Variants in MED13L observed in about 807,000 individuals in gnomAD.
MED13L encodes the protein mediator complex subunit 13L.
Under a neutral mutation model 220.9 loss-of-function variants are expected in MED13L, and 7 were observed. The ratio of observed to expected loss-of-function variants is 0.03; its 90% CI spans 0.02 to 0.06. The LOEUF is 0.06. Ranked by LOEUF, MED13L falls within the 10% of genes least tolerant of loss-of-function variation. The pLI is 1.00. For missense variants in MED13L, 1,965 were observed against 2,760.5 expected (o/e 0.71, Z 6.46); for synonymous variants, 1,011 against 1,015.2 (o/e 1.00, Z 0.08).
chr12:116,143,734 G>A (rs1045071454), intron 2 of MED13L, among the ~76,000 whole-genome samples: 1 of 152,098 alleles, frequency 6.6e-6, no homozygotes, highest in Non-Finnish European at 1.5e-5. Context: ...AAACTGCAGC[G>A]CAAAGCAAGA....
intron 4 of MED13L, among the ~76,000 whole-genome samples, chr12:116,050,705 G>A (rs1868422067): frequency 6.6e-6 from 1 of 152,188 alleles, no homozygotes; most frequent in Admixed American, 6.5e-5. Flanking sequence ...GGGAGGCCAA[G>A]GAGGGTGGAT....
At chr12:116,223,473 C>T (rs879493529) in intron 2 of MED13L, among the ~76,000 whole-genome samples, 3 of 152,010 alleles carry the variant, frequency 2.0e-5, no homozygotes, top group Non-Finnish European at 4.4e-5. Context: ...TTTGGGAGGC[C>T]GGGTTAGGCA....
chr12:116,251,602 A>T (rs942775233), intron 1 of MED13L, among the ~76,000 whole-genome samples: 6 of 151,308 alleles, frequency 4.0e-5, no homozygotes, highest in Admixed American at 6.6e-5. Context: ...TACTAAAAAA[A>T]ATATAAAACA....
chr12:116,171,600 T>C (rs1253624846), intron 2 of MED13L, among the ~76,000 whole-genome samples: 1 of 152,198 alleles, frequency 6.6e-6, no homozygotes, highest in Non-Finnish European at 1.5e-5. Context: ...GCTCCAGTTT[T>C]TTAAGTCCTT....
At chr12:116,066,882 G>T (rs1231431857) in intron 4 of MED13L, among the ~76,000 whole-genome samples, 2 of 152,092 alleles carry the variant, frequency 1.3e-5, no homozygotes, top group African/African-American at 2.4e-5. Context: ...AGTTGGACAG[G>T]TTCATGCTTA....
intron 25 of MED13L, chr12:115,972,461 T>C (rs538542653): frequency 1.9e-6 from 1 of 539,242 alleles, no homozygotes; most frequent in East Asian, 3.6e-5. Flanking sequence ...GCTGAAGTCA[T>C]GTCTGAAATG....
At chr12:116,164,073 T>C (rs376221665) in intron 2 of MED13L, among the ~76,000 whole-genome samples, 1 of 152,208 alleles carries the variant, frequency 6.6e-6, no homozygotes, top group Non-Finnish European at 1.5e-5. Context: ...AATTTTCACA[T>C]ACTTAAAAAG....
intron 2 of MED13L, among the ~76,000 whole-genome samples, chr12:116,167,966 A>T (rs1879402713): frequency 6.6e-6 from 1 of 152,222 alleles, no homozygotes; most frequent in African/African-American, 2.4e-5. Flanking sequence ...TGAAATATTG[A>T]AGATAAAATG....
intron 2 of MED13L, among the ~76,000 whole-genome samples, chr12:116,226,182 A>C (rs564503366): frequency 6.6e-6 from 1 of 152,100 alleles, no homozygotes; most frequent in Non-Finnish European, 1.5e-5. Flanking sequence ...TCACAGCACA[A>C]AAAAAAGAGA....
chr12:116,257,724 T>C (rs1459059656), intron 1 of MED13L, among the ~76,000 whole-genome samples: 12 of 152,246 alleles, frequency 7.9e-5, no homozygotes, highest in Admixed American at 7.9e-4. Context: ...AACTGGCTTT[T>C]ACTTTAAAAA....
chr12:116,105,721 A>C (rs1040422343), intron 3 of MED13L, among the ~76,000 whole-genome samples: 1 of 152,180 alleles, frequency 6.6e-6, no homozygotes, highest in Non-Finnish European at 1.5e-5. Context: ...TAACTCAATT[A>C]ATAGGTATGG....
intron 2 of MED13L, among the ~76,000 whole-genome samples, chr12:116,131,901 G>C (rs935059542): frequency 6.6e-6 from 1 of 152,108 alleles, no homozygotes; most frequent in Non-Finnish European, 1.5e-5. Context: ...AGAATCACTT[G>C]AGCCTAGGTG....
At chr12:116,156,540 TC>T (rs1878457327) in intron 2 of MED13L, among the ~76,000 whole-genome samples, 1 of 152,128 alleles carries the variant, frequency 6.6e-6, no homozygotes, top group Non-Finnish European at 1.5e-5. Flanking sequence ...AGGCCAAGTT[TC>T]CAAGTACCAA....
intron 2 of MED13L, among the ~76,000 whole-genome samples, chr12:116,141,780 C>T (rs1449038476): frequency 6.6e-6 from 1 of 152,046 alleles, no homozygotes; most frequent in Non-Finnish European, 1.5e-5. Context: ...CTAGAGGAAT[C>T]CCTTAAAATG....
chr12:116,168,871 T>G (rs1016565588), intron 2 of MED13L, among the ~76,000 whole-genome samples: 4 of 152,180 alleles, frequency 2.6e-5, no homozygotes, highest in Non-Finnish European at 5.9e-5. Context: ...TATTGGAAAT[T>G]AAAACTAATT....
chr12:116,022,661 C>A, intron 4 of MED13L, 60 bp from the exon 5 acceptor site: 1 of 1,526,552 alleles, frequency 6.6e-7, no homozygotes, highest in Non-Finnish European at 8.9e-7. Context: ...GTGCTAGAAA[C>A]AGGAACTACA....
intron 2 of MED13L, among the ~76,000 whole-genome samples, chr12:116,180,418 T>C (rs182460745): frequency 6.6e-6 from 1 of 152,326 alleles, no homozygotes; most frequent in East Asian, 1.9e-4. Flanking sequence ...TAAAATTAAC[T>C]TCAGGTTGTA....
intron 4 of MED13L, among the ~76,000 whole-genome samples, chr12:116,047,155 G>C (rs1301179067): frequency 1.3e-5 from 2 of 152,086 alleles, no homozygotes; most frequent in African/African-American, 4.8e-5. Context: ...TTTGAGACCA[G>C]ACTGAGCAAA....
intron 1 of MED13L, among the ~76,000 whole-genome samples, chr12:116,257,515 A>G (rs1263609207): frequency 2.6e-5 from 4 of 152,214 alleles, no homozygotes; most frequent in Non-Finnish European, 4.4e-5. Context: ...CTGAATAGCC[A>G]TCTTGAACTA....
Sources: gnomAD v4.1 joint callset for allele counts (sites outside exome capture counted in the v4.1 genomes callset) on GRCh38, gnomAD v4.1.1 for gene constraint, MANE v1.5 for transcripts, NCBI Gene and HGNC (gene_info 2026-07-23, HGNC 2026-07-21) for gene names.